The following ADGRV1 variants were observed in gnomAD, a reference collection of about 807,000 sequenced individuals.
ADGRV1 encodes adhesion G protein-coupled receptor V1.
In ADGRV1, 359 loss-of-function variants were observed where a neutral mutation model predicts 596.2. The ratio of observed to expected loss-of-function variants is 0.60; its 90% CI spans 0.55 to 0.66. ADGRV1 has a LOEUF of 0.66. Ranked by LOEUF, ADGRV1 falls within the 30% of genes least tolerant of loss-of-function variation. The pLI, the probability that ADGRV1 is intolerant of heterozygous loss-of-function variation, is 0.00. For synonymous variants in ADGRV1, 2,681 were observed against 2,679.2 expected, an observed-to-expected ratio of 1.00 and a Z score of -0.02; for missense variants, 7,274 against 7,575.6, an observed-to-expected ratio of 0.96 and a Z score of 1.48.
chr5:90,979,756 C>T (rs1779936583), intron 84 of ADGRV1, among the ~76,000 whole-genome samples: 1 of 152,108 alleles, frequency 6.6e-6, no homozygotes, highest in Non-Finnish European at 1.5e-5. Context: ...TTATGAATAA[C>T]TAAAAATGTA....
At chr5:90,562,135 A>G (rs560383357) in intron 1 of ADGRV1, among the ~76,000 whole-genome samples, 1 of 152,306 alleles carries the variant, frequency 6.6e-6, no homozygotes, top group Non-Finnish European at 1.5e-5. Context: ...AACCATTTAC[A>G]GTAAAGTTCT....
chr5:90,647,269 T>C (rs1767922391), intron 16 of ADGRV1, among the ~76,000 whole-genome samples: 1 of 152,150 alleles, frequency 6.6e-6, no homozygotes, highest in Admixed American at 6.6e-5. Context: ...TGCTGAGAAA[T>C]TCGATGTTGA....
chr5:90,672,102 A>G (rs1412104166), intron 21 of ADGRV1, among the ~76,000 whole-genome samples: 1 of 151,806 alleles, frequency 6.6e-6, no homozygotes, highest in African/African-American at 2.4e-5. Flanking sequence ...CTCTGATGTC[A>G]TGTTCCACCC....
At chr5:90,775,029 A>G (rs1256323382) in intron 60 of ADGRV1, among the ~76,000 whole-genome samples, 1 of 152,178 alleles carries the variant, frequency 6.6e-6, no homozygotes, top group African/African-American at 2.4e-5. Context: ...TCCAGTTGAT[A>G]TGATGATTTG....
chr5:90,753,082 T>TG (rs927497160), intron 53 of ADGRV1, among the ~76,000 whole-genome samples: 1 of 152,166 alleles, frequency 6.6e-6, no homozygotes, highest in African/African-American at 2.4e-5. Flanking sequence ...AGAAGAGAGT[T>TG]GCTATGATTT....
chr5:90,904,417 A>G (rs1772131174), intron 83 of ADGRV1, among the ~76,000 whole-genome samples: 1 of 152,056 alleles, frequency 6.6e-6, no homozygotes, highest in South Asian at 2.1e-4. Flanking sequence ...CATCATCATC[A>G]GCATTTGTTA....
intron 85 of ADGRV1, among the ~76,000 whole-genome samples, chr5:91,049,033 G>A (rs777528833): frequency 6.6e-6 from 1 of 151,106 alleles, no homozygotes; most frequent in Non-Finnish European, 1.5e-5. Flanking sequence ...TCATATTGCA[G>A]CCTATATTTA....
chr5:90,789,285 A>G (rs147465094), intron 68 of ADGRV1, among the ~76,000 whole-genome samples: 14 of 152,302 alleles, frequency 9.2e-5, no homozygotes, highest in African/African-American at 3.4e-4. Flanking sequence ...ACTGGGCACT[A>G]TAGTCTTGGC....
At chr5:90,879,913 T>C (rs1769591624) in intron 83 of ADGRV1, among the ~76,000 whole-genome samples, 1 of 152,128 alleles carries the variant, frequency 6.6e-6, no homozygotes, top group Non-Finnish European at 1.5e-5. Context: ...ATTGTGCCAC[T>C]GCACTCCAGT....
chr5:90,826,818 C>G (rs1169620553), intron 76 of ADGRV1, among the ~76,000 whole-genome samples: 1 of 152,154 alleles, frequency 6.6e-6, no homozygotes, highest in Non-Finnish European at 1.5e-5. Context: ...TGACTCTGTC[C>G]TATCTCAGAT....
chr5:90,996,750 G>C (rs1218201821), intron 85 of ADGRV1, among the ~76,000 whole-genome samples: 1 of 152,224 alleles, frequency 6.6e-6, no homozygotes, highest in Non-Finnish European at 1.5e-5. Context: ...TGTGGAGGCT[G>C]TACCCTGCAG....
At chr5:90,781,175 G>T in intron 64 of ADGRV1, 1 of 458,480 alleles carries the variant, frequency 2.2e-6, no homozygotes. Flanking sequence ...TCTTCCCATT[G>T]CCCAAGTTTA....
At chr5:90,632,213 A>G (rs2149393005) in intron 9 of ADGRV1, among the ~76,000 whole-genome samples, 1 of 152,244 alleles carries the variant, frequency 6.6e-6, no homozygotes, top group Middle Eastern at 3.4e-3. Flanking sequence ...AACTCATGCA[A>G]GAACCAGATT....
At chr5:90,931,641 G>C (rs1367870676) in intron 83 of ADGRV1, among the ~76,000 whole-genome samples, 1 of 152,168 alleles carries the variant, frequency 6.6e-6, no homozygotes, top group Non-Finnish European at 1.5e-5. Flanking sequence ...TTATGTTGAA[G>C]TATGGAAAAC....
chr5:90,845,538 G>A (rs532317737), intron 78 of ADGRV1, among the ~76,000 whole-genome samples: 3 of 151,946 alleles, frequency 2.0e-5, no homozygotes, highest in Admixed American at 6.5e-5. Context: ...TAGAAAAGTC[G>A]GAAGTTAAAC....
intron 87 of ADGRV1, among the ~76,000 whole-genome samples, chr5:91,103,391 G>C (rs2126652599): frequency 6.6e-6 from 1 of 151,364 alleles, no homozygotes; most frequent in African/African-American, 2.4e-5. Flanking sequence ...ATGATTCAAA[G>C]AGTGAACAAT....
Position 90,848,746 on chromosome 5 carries a change from G to GTCACTT in ADGRV1, c.17131_17136dup (p.His5711_Phe5712dup). ...AAGCGCAAGGACACTAGGGGATTCA[G>GTCACTT]TCACTTTGCTGAAGTGACTGAGAAT... On this transcript the variant is annotated inframe_insertion, in exon 79 of 90. Coordinates refer to ENST00000405460, the MANE Select transcript of ADGRV1 (RefSeq NM_032119.4). 6.3e-7 allele frequency: 1 copy of GTCACTT among 1,593,426 alleles called. No individual in the cohort carries two copies.
chr5:91,032,574 CTAATTA>C (rs1261997471), intron 85 of ADGRV1, among the ~76,000 whole-genome samples: 1 of 151,718 alleles, frequency 6.6e-6, no homozygotes, highest in African/African-American at 2.4e-5. Flanking sequence ...TTTTGTTCTG[CTAATTA>C]TAATTATATA....
In ADGRV1 at chr5:90,729,577, T is replaced by G. The variant is rs915292117; in HGVS notation, c.10427-65T>G. 14 of 1,208,080 alleles carry G rather than the reference T, an allele frequency of 1.2e-5. No individual in the cohort carries two copies. The Admixed American group carries it at 3.0e-4, about 26-fold the overall frequency. 74.8% of individuals were successfully genotyped at this position (1,208,080 alleles called of 1,614,324 possible). A position where few individuals can be genotyped will look rare whatever the true frequency, so the allele number is the denominator to read the frequency against. ...TGATATTTTTATTATAGTTTTATTATGTAATTTTGTCATTTTTTTCTGTAA... is the reference window on the plus strand; with the variant it reads ...TGATATTTTTATTATAGTTTTATTAGGTAATTTTGTCATTTTTTTCTGTAA... On this transcript the variant is annotated intron_variant, in intron 49 of 89. Transcript: ENST00000405460.
Sources: allele counts gnomAD v4.1 joint callset (sites outside exome capture counted in the v4.1 genomes callset), GRCh38; gene constraint gnomAD v4.1.1; transcripts MANE v1.5; gene names NCBI Gene and HGNC (gene_info 2026-07-23, HGNC 2026-07-21).